Variants in SUGCT observed in about 807,000 individuals in gnomAD.
SUGCT encodes succinyl-CoA:glutarate CoA-transferase.
SUGCT carries 41 observed loss-of-function variants against 55.0 expected under a neutral mutation model. The observed-to-expected ratio is 0.74, with a 90% confidence interval of 0.58 to 0.97. The LOEUF is 0.97. Among genes scored for constraint, SUGCT ranks in the 50% least tolerant of loss-of-function variants. SUGCT has a pLI of 0.00. For synonymous variants in SUGCT, 187 were observed against 200.4 expected (o/e 0.93, Z 0.56); for missense variants, 568 against 547.8 (o/e 1.04, Z -0.37).
chr7:40,954,909 G>T, the SUGCT span, among the ~76,000 whole-genome samples: 13 of 152,250 alleles, frequency 8.5e-5, no homozygotes, highest in African/African-American at 2.9e-4. Flanking sequence ...TCTCCCCATT[G>T]CTTGTTTTTG....
intron 12 of SUGCT, among the ~76,000 whole-genome samples, chr7:40,543,661 A>T (rs957340034): frequency 2.0e-5 from 3 of 152,240 alleles, no homozygotes; most frequent in Admixed American, 1.3e-4. Flanking sequence ...AGGATTTTTC[A>T]TGTGCAAATT....
At chr7:40,667,019 G>C (rs67320459) in intron 12 of SUGCT, among the ~76,000 whole-genome samples, 11,840 of 151,182 alleles carry the variant, frequency 0.078, 556 homozygotes, top group East Asian at 0.23. Flanking sequence ...GGAGGCTGAG[G>C]TAGGGGGATC....
the SUGCT span, among the ~76,000 whole-genome samples, chr7:40,919,626 CTTAAT>C: frequency 6.6e-6 from 1 of 152,250 alleles, no homozygotes; most frequent in East Asian, 1.9e-4. Context: ...CCCAAGGTTT[CTTAAT>C]TTATCTTTTA....
chr7:40,827,265 T>C (rs980965507), intron 13 of SUGCT, among the ~76,000 whole-genome samples: 3 of 152,002 alleles, frequency 2.0e-5, no homozygotes, highest in East Asian at 1.9e-4. Context: ...TCAAAGGTGA[T>C]AGGGTGTGTT....
intron 1 of SUGCT, among the ~76,000 whole-genome samples, chr7:40,149,683 C>T (rs951074781): frequency 7.9e-5 from 12 of 151,878 alleles, no homozygotes; most frequent in African/African-American, 2.2e-4. Context: ...TTTGGGAGGC[C>T]GAGGCAGGTG....
chr7:40,303,588 A>T (rs1794668915), intron 8 of SUGCT, among the ~76,000 whole-genome samples: 1 of 151,770 alleles, frequency 6.6e-6, no homozygotes, highest in Non-Finnish European at 1.5e-5. Flanking sequence ...GGTTCAAGGG[A>T]TCCTCCTGCC....
chr7:40,642,026 T>G (rs1800293015), intron 12 of SUGCT, among the ~76,000 whole-genome samples: 1 of 152,168 alleles, frequency 6.6e-6, no homozygotes, highest in Non-Finnish European at 1.5e-5. Context: ...GATAAACCCA[T>G]CAATCCTGTT....
At chr7:40,735,132 G>A (rs1369739699) in intron 12 of SUGCT, among the ~76,000 whole-genome samples, 1 of 152,142 alleles carries the variant, frequency 6.6e-6, no homozygotes, top group East Asian at 1.9e-4. Flanking sequence ...GGACTCCTGT[G>A]CTGGAGGGGA....
intron 1 of SUGCT, among the ~76,000 whole-genome samples, chr7:40,175,132 T>C (rs553110436): frequency 3.9e-5 from 6 of 152,294 alleles, no homozygotes; most frequent in Non-Finnish European, 7.3e-5. Flanking sequence ...TTCTTTATAC[T>C]TAAAAACCTT....
intron 9 of SUGCT, among the ~76,000 whole-genome samples, chr7:40,330,662 T>C (rs550122105): frequency 9.6e-5 from 14 of 146,136 alleles, no homozygotes; most frequent in Admixed American, 2.1e-4. Context: ...TTTGTGAGTG[T>C]GTGTATTTCC....
chr7:40,274,436 A>G (rs959535132), intron 7 of SUGCT, 77 bp from the exon 8 acceptor site: 2 of 1,482,630 alleles, frequency 1.3e-6, no homozygotes, highest in Non-Finnish European at 1.8e-6. Flanking sequence ...TCTATTTCAC[A>G]TTAGAAGATT....
the SUGCT span, among the ~76,000 whole-genome samples, chr7:41,027,715 A>G: frequency 6.6e-6 from 1 of 152,036 alleles, no homozygotes; most frequent in Non-Finnish European, 1.5e-5. Context: ...AAAGTCTCAC[A>G]CTCCCATTAG....
chr7:40,340,136 T>G (rs969923342), intron 9 of SUGCT, among the ~76,000 whole-genome samples: 1 of 152,010 alleles, frequency 6.6e-6, no homozygotes, highest in Non-Finnish European at 1.5e-5. Context: ...CACTGGAAAA[T>G]TAGAACAAAT....
chr7:41,031,222 A>G, the SUGCT span, among the ~76,000 whole-genome samples: 999 of 152,340 alleles, frequency 6.6e-3, 10 homozygotes, highest in African/African-American at 0.023. Flanking sequence ...TTCTATGCTA[A>G]TAGCTTATGC....
intron 6 of SUGCT, among the ~76,000 whole-genome samples, chr7:40,223,729 T>A (rs913695898): frequency 9.2e-5 from 14 of 152,230 alleles, no homozygotes; most frequent in African/African-American, 3.4e-4. Context: ...ATTTACTATC[T>A]TATTTACTTG....
the SUGCT span, among the ~76,000 whole-genome samples, chr7:40,880,883 A>C: frequency 3.3e-5 from 5 of 152,196 alleles, no homozygotes; most frequent in Non-Finnish European, 5.9e-5. Context: ...TGATGGAACC[A>C]GGGAGGATCC....
chr7:40,825,179 A>G (rs151083271), intron 13 of SUGCT, among the ~76,000 whole-genome samples: 17 of 152,360 alleles, frequency 1.1e-4, no homozygotes, highest in Admixed American at 6.5e-4. Context: ...GATAGAATTC[A>G]GACTCATAGC....
chr7:40,192,138 A>G lies in SUGCT; in HGVS notation c.363+2544A>G, dbSNP rs11975993. Among the ~76,000 whole-genome samples the G allele has an allele frequency of 1.2e-3, 176 of 151,488 alleles. 2 individuals carry two copies. The highest frequency in any genetic ancestry group is 4.1e-3 in the African/African-American group (170 of 41,424). ...AAAAAAAAAAAAAAAAAGGATTAGC[A>G]AAAATAACCCCTCTCCATTTAGGCC... is the stretch of plus-strand genomic sequence containing the variant. On this transcript the variant is annotated intron_variant, in intron 5 of 13. Coordinates refer to ENST00000335693, the MANE Select transcript of SUGCT (RefSeq NM_001193313.2).
At chr7:40,404,755 T>C (rs1454982464) in intron 9 of SUGCT, among the ~76,000 whole-genome samples, 1 of 152,142 alleles carries the variant, frequency 6.6e-6, no homozygotes, top group African/African-American at 2.4e-5. Context: ...AATTTGTTGC[T>C]ATCTCTTTGC....
Sources: allele counts gnomAD v4.1 joint callset (sites outside exome capture counted in the v4.1 genomes callset), GRCh38; gene constraint gnomAD v4.1.1; transcripts MANE v1.5; gene names NCBI Gene and HGNC (gene_info 2026-07-23, HGNC 2026-07-21).